NEBL: variants seen among roughly 807,000 people sequenced by gnomAD.
NEBL encodes the protein nebulette.
In NEBL, 122 loss-of-function variants were observed where a neutral mutation model predicts 140.2. The ratio of observed to expected loss-of-function variants is 0.87; its 90% CI spans 0.75 to 1.01. NEBL has a LOEUF of 1.01. Ranked by LOEUF, NEBL falls within the 50% of genes least tolerant of loss-of-function variation. The pLI, the probability that NEBL is intolerant of heterozygous loss-of-function variation, is 0.00. For missense variants in NEBL, 1,365 were observed against 1,231.3 expected (o/e 1.11, Z -1.62); for synonymous variants, 436 against 398.9 (o/e 1.09, Z -1.11).
At chr10:20,924,593 T>A (rs2131512358) in intron 4 of NEBL, among the ~76,000 whole-genome samples, 1 of 151,754 alleles carries the variant, frequency 6.6e-6, no homozygotes, top group African/African-American at 2.4e-5. Flanking sequence ...CTCTGGTCAT[T>A]TCTGATGAAA....
At chr10:21,097,705 C>G (rs1837257030) in intron 2 of NEBL, among the ~76,000 whole-genome samples, 1 of 152,164 alleles carries the variant, frequency 6.6e-6, no homozygotes, top group African/African-American at 2.4e-5. Context: ...AAAGATAAGT[C>G]TCGGTCAATT....
intron 2 of NEBL, among the ~76,000 whole-genome samples, chr10:20,894,096 T>A (rs1427330437): frequency 6.6e-6 from 1 of 152,170 alleles, no homozygotes; most frequent in Non-Finnish European, 1.5e-5. Context: ...TAAGGATATA[T>A]GAAAGCTGGA....
chr10:21,267,989 T>C (rs374183071), intron 1 of NEBL, among the ~76,000 whole-genome samples: 2 of 152,308 alleles, frequency 1.3e-5, no homozygotes, highest in East Asian at 3.9e-4. Flanking sequence ...CTCTTAGGTG[T>C]GGTACCTTCG....
intron 3 of NEBL, among the ~76,000 whole-genome samples, chr10:21,243,277 T>TC (rs1334891491): frequency 6.7e-6 from 1 of 150,214 alleles, no homozygotes; most frequent in Non-Finnish European, 1.5e-5. Context: ...GTAGGCAAAT[T>TC]CCCCTGGGTG....
At chr10:21,146,209 T>C (rs968874261) in intron 2 of NEBL, 2 of 692,548 alleles carry the variant, frequency 2.9e-6, no homozygotes, top group Non-Finnish European at 4.8e-6. Flanking sequence ...GCAAAGGAAG[T>C]TTATTTCATG....
chr10:21,285,515 T>C (rs1564556011), intron 1 of NEBL, among the ~76,000 whole-genome samples: 1 of 152,344 alleles, frequency 6.6e-6, no homozygotes, highest in East Asian at 1.9e-4. Context: ...CATATACTGA[T>C]TGATGTCTCA....
intron 2 of NEBL, among the ~76,000 whole-genome samples, chr10:21,144,967 A>G (rs1352667036): frequency 6.6e-6 from 1 of 152,060 alleles, no homozygotes; most frequent in Non-Finnish European, 1.5e-5. Context: ...AAAAAAAAAA[A>G]AAAGATATCT....
At chr10:20,906,704 G>A (rs1848108762) in intron 4 of NEBL, among the ~76,000 whole-genome samples, 1 of 151,934 alleles carries the variant, frequency 6.6e-6, no homozygotes, top group South Asian at 2.1e-4. Flanking sequence ...TTATACCAAT[G>A]AATGAAGATG....
intron 4 of NEBL, among the ~76,000 whole-genome samples, chr10:20,916,676 C>T (rs1848571281): frequency 6.6e-6 from 1 of 152,330 alleles, no homozygotes; most frequent in Non-Finnish European, 1.5e-5. Context: ...TCTCAAAATG[C>T]TGGGATTACA....
At chr10:20,827,577 A>G (rs536989634) in intron 17 of NEBL, among the ~76,000 whole-genome samples, 2 of 152,330 alleles carry the variant, frequency 1.3e-5, no homozygotes, top group South Asian at 4.1e-4. Context: ...ACAATTTTAG[A>G]ACAGAAGTCA....
chr10:21,029,671 C>T (rs565619584), intron 2 of NEBL: 6 of 1,182,180 alleles, frequency 5.1e-6, no homozygotes, highest in African/African-American at 4.5e-5. Flanking sequence ...AGACAAGTAT[C>T]GAGATCGTTA....
At chr10:20,787,794 C>T (rs1331778390) in intron 26 of NEBL, among the ~76,000 whole-genome samples, 1 of 152,114 alleles carries the variant, frequency 6.6e-6, no homozygotes, top group Non-Finnish European at 1.5e-5. Flanking sequence ...GCAAACATAA[C>T]GTATGTTTAG....
rs1185872548 is a variant in NEBL, at chr10:20,940,568, C to T, written c.357+21104G>A. On this transcript the variant is annotated intron_variant, in intron 4 of 6. Coordinates refer to the NEBL transcript ENST00000417816. ...AACACATTCAAATGCTAGCAGAAGG[C>T]AAGAAATAACTAAGATCAGAGTAGA... Among the ~76,000 whole-genome samples, 12 of 141,916 alleles carry T rather than the reference C, an allele frequency of 8.5e-5. No individual in the cohort carries two copies. In the Admixed American group the frequency reaches 8.8e-4, roughly 10 times the overall value. 93.1% of individuals were successfully genotyped at this position (141,916 alleles called of 152,430 possible).
intron 2 of NEBL, among the ~76,000 whole-genome samples, chr10:21,147,657 A>G (rs1839958290): frequency 6.6e-6 from 1 of 152,178 alleles, no homozygotes; most frequent in Non-Finnish European, 1.5e-5. Context: ...TACATCCCTG[A>G]GTAAGAAGAA....
At chr10:20,871,540 T>A (rs1844936566) in intron 5 of NEBL, among the ~76,000 whole-genome samples, 1 of 152,226 alleles carries the variant, frequency 6.6e-6, no homozygotes, top group South Asian at 2.1e-4. Flanking sequence ...GAAACATTTA[T>A]ATACACTTCT....
At chr10:20,796,367 GAAAAAA>G (rs57844177) in intron 26 of NEBL, among the ~76,000 whole-genome samples, 28 of 51,520 alleles carry the variant, frequency 5.4e-4, no homozygotes, top group Admixed American at 2.1e-3. Context: ...TCTAAAACAA[GAAAAAA>G]AAAAAAAAAA....
chr10:21,061,269 A>ACATATTATGTGCTATGTAACATG, intron 2 of NEBL, among the ~76,000 whole-genome samples: 1 of 114,466 alleles, frequency 8.7e-6, no homozygotes, highest in East Asian at 3.1e-4. Flanking sequence ...TATGTAACAT[A>ACATATTATGTGCTATGTAACATG]TTACATATTA....
At chr10:20,833,186 G>A (rs576781402) in intron 14 of NEBL, among the ~76,000 whole-genome samples, 17 of 152,196 alleles carry the variant, frequency 1.1e-4, no homozygotes, top group South Asian at 4.2e-4. Context: ...ACAACATGGC[G>A]GCATCTACAT....
At chr10:21,064,255 T>C (rs1284581847) in intron 2 of NEBL, among the ~76,000 whole-genome samples, 1 of 152,196 alleles carries the variant, frequency 6.6e-6, no homozygotes, top group African/African-American at 2.4e-5. Context: ...TAAAAATACA[T>C]ACATATTTCC....
Sources: gnomAD v4.1 joint callset for allele counts (sites outside exome capture counted in the v4.1 genomes callset) on GRCh38, gnomAD v4.1.1 for gene constraint, MANE v1.5 for transcripts, NCBI Gene and HGNC (gene_info 2026-07-23, HGNC 2026-07-21) for gene names.